SIPA1L2: variants seen among roughly 807,000 people sequenced by gnomAD.
The protein encoded by SIPA1L2 is signal-induced proliferation-associated 1-like protein 2.
In SIPA1L2, 56 loss-of-function variants were observed where a neutral mutation model predicts 163.9. That is an observed-to-expected ratio of 0.34 (90% CI 0.28 to 0.43). The LOEUF (loss-of-function observed/expected upper bound fraction) is 0.43. Among genes scored for constraint, SIPA1L2 ranks in the 20% least tolerant of loss-of-function variants. The probability of loss-of-function intolerance (pLI) is 1.00; values close to 1 mark genes in which losing one functional copy is unlikely to be tolerated. For missense variants in SIPA1L2, 1,974 were observed against 2,193.5 expected (o/e 0.90, Z 2.00); for synonymous variants, 877 against 865.7 (o/e 1.01, Z -0.23).
intron 1 of SIPA1L2, among the ~76,000 whole-genome samples, chr1:232,626,239 T>TTTTTTTTTTTTC (rs1663071926): frequency 6.6e-6 from 1 of 151,590 alleles, no homozygotes; most frequent in African/African-American, 2.4e-5. Flanking sequence ...GCTTTTTTTT[T>TTTTTTTTTTTTC]TTTTTTTCAT....
At chr1:232,433,582 A>T (rs1662376795) in intron 15 of SIPA1L2, among the ~76,000 whole-genome samples, 1 of 152,132 alleles carries the variant, frequency 6.6e-6, no homozygotes, top group Admixed American at 6.5e-5. Context: ...AACAATAAAA[A>T]TTTTCAAGGT....
chr1:232,571,369 T>A (rs1659719187), intron 2 of SIPA1L2, among the ~76,000 whole-genome samples: 1 of 152,228 alleles, frequency 6.6e-6, no homozygotes, highest in Admixed American at 6.5e-5. Flanking sequence ...ATTGAATAAT[T>A]CAATTTTTTT....
Position 232,398,945 on chromosome 1 carries a change from C to T in SIPA1L2, c.*182G>A. 1.4e-6 allele frequency: 1 copy of T among 730,822 alleles called. No homozygotes were observed. The highest frequency in any genetic ancestry group is 2.2e-6 in the Non-Finnish European group (1 of 458,828). The allele number at this position is 730,822 out of a possible 1,614,324, so 45.3% of individuals were successfully genotyped here. A position where few individuals can be genotyped will look rare whatever the true frequency, so the allele number is the denominator to read the frequency against. Reference sequence around the variant, plus strand: ...CATTCATCTTCACATCGGCGCTGCTCTCTGCCGTGGTTACCGAGAAAGAGT... The same window carrying T: ...CATTCATCTTCACATCGGCGCTGCTTTCTGCCGTGGTTACCGAGAAAGAGT... On this transcript the variant is annotated 3_prime_UTR_variant, in exon 23 of 23. Coordinates refer to ENST00000674635, the MANE Select transcript of SIPA1L2 (RefSeq NM_020808.5).
rs370271732 is a variant in SIPA1L2 at position 232,522,806 on chromosome 1, T to C, written c.-269-7198A>G. Among the ~76,000 whole-genome samples, 34 of 152,222 alleles carry C rather than the reference T, an allele frequency of 2.2e-4. 4 individuals carry two copies. The highest frequency in any genetic ancestry group is 1.4e-3 in the Admixed American group (22 of 15,288). On this transcript the variant is annotated intron_variant, in intron 2 of 22. Transcript: ENST00000674635. ...AATGTAATATATGAGTGTATATTTA[T>C]TGACAAACATACTGATTTGAAATTA...
rs1332951464 is a variant in SIPA1L2 at position 232,441,646 on chromosome 1, A to C, written c.3538+122T>G. ...CCTGCATCTGGAGACCCAGCTGATC[A>C]CCTCAACTTGGTGCACATAGGTTGA... On this transcript the variant is annotated intron_variant, in intron 13 of 22. Coordinates refer to ENST00000674635, the MANE Select transcript of SIPA1L2 (RefSeq NM_020808.5). The C allele has an allele frequency of 1.5e-4, 135 of 881,066 alleles. 1 individual carries two copies. Among genetic ancestry groups the C allele is most frequent in the Non-Finnish European group, 1.1e-5 (6 of 557,022 alleles). The allele number at this position is 881,066 out of a possible 1,614,324, so 54.6% of individuals were successfully genotyped here. A position where few individuals can be genotyped will look rare whatever the true frequency, so the allele number is the denominator to read the frequency against.
chr1:232,431,190 G>A (rs1016444313), intron 16 of SIPA1L2, among the ~76,000 whole-genome samples: 1 of 152,152 alleles, frequency 6.6e-6, no homozygotes, highest in African/African-American at 2.4e-5. Context: ...GAATTCCCGT[G>A]AAGCACTCAG....
At chr1:232,599,082 C>G (rs1275353868) in intron 1 of SIPA1L2, among the ~76,000 whole-genome samples, 1 of 152,024 alleles carries the variant, frequency 6.6e-6, no homozygotes, top group African/African-American at 2.4e-5. Flanking sequence ...CCATTCGATT[C>G]AATAACATTA....
chr1:232,421,248 G>A (rs991821953), intron 18 of SIPA1L2, among the ~76,000 whole-genome samples: 17 of 152,144 alleles, frequency 1.1e-4, no homozygotes, highest in African/African-American at 4.1e-4. Context: ...CCTTTCGAGA[G>A]ACTCATGAAT....
chr1:232,416,071 T>TCAGGAGC (rs1661244105), intron 18 of SIPA1L2, among the ~76,000 whole-genome samples: 1 of 92,706 alleles, frequency 1.1e-5, no homozygotes, highest in Admixed American at 1.1e-4. Flanking sequence ...CCAGAGTCAG[T>TCAGGAGC]CAGTCAGAAC....
intron 1 of SIPA1L2, among the ~76,000 whole-genome samples, chr1:232,584,535 G>A (rs973268949): frequency 6.6e-6 from 1 of 152,148 alleles, no homozygotes; most frequent in Admixed American, 6.6e-5. Flanking sequence ...GCATAAAAAT[G>A]GACAGTTTAT....
chr1:232,532,688 A>T (rs532846804), intron 2 of SIPA1L2, among the ~76,000 whole-genome samples: 1 of 152,340 alleles, frequency 6.6e-6, no homozygotes, highest in Non-Finnish European at 1.5e-5. Flanking sequence ...ACAAACTGAA[A>T]TGTCTAGAGA....
intron 1 of SIPA1L2, among the ~76,000 whole-genome samples, chr1:232,586,502 A>T (rs1660662384): frequency 6.6e-6 from 1 of 152,188 alleles, no homozygotes; most frequent in African/African-American, 2.4e-5. Flanking sequence ...GATTCACAGG[A>T]AGAGCTCGTC....
chr1:232,499,572 TAAG>T (rs1390012426), intron 3 of SIPA1L2, among the ~76,000 whole-genome samples: 2 of 152,120 alleles, frequency 1.3e-5, no homozygotes, highest in African/African-American at 4.8e-5. Context: ...AGGTTTAAGG[TAAG>T]AAGCTATCTC....
intron 2 of SIPA1L2, among the ~76,000 whole-genome samples, chr1:232,558,889 C>A (rs1185382237): frequency 6.6e-6 from 1 of 152,184 alleles, no homozygotes; most frequent in Non-Finnish European, 1.5e-5. Flanking sequence ...ATCCTCTCAC[C>A]TCTCAGGGTA....
chr1:232,628,946 C>T (rs1288008409), intron 1 of SIPA1L2, among the ~76,000 whole-genome samples: 3 of 152,008 alleles, frequency 2.0e-5, no homozygotes, highest in African/African-American at 4.8e-5. Flanking sequence ...AAAAGCCATC[C>T]TTGTCAAAAC....
rs374926955 is a variant in SIPA1L2, at chr1:232,524,374, C to A, written c.-269-8766G>T. ...CACATGCATGTCACACACACAAACACACTCCCCATGCCGGTGAGGGTCTGG... is the reference window on the plus strand; with the variant it reads ...CACATGCATGTCACACACACAAACAAACTCCCCATGCCGGTGAGGGTCTGG... On this transcript the variant is annotated intron_variant, in intron 2 of 22. Transcript: ENST00000674635. 1.8e-4 allele frequency among the ~76,000 whole-genome samples: 28 copies of A among 152,328 alleles called. 1 individual carries two copies. The East Asian group carries it at 2.5e-3, about 14-fold the overall frequency.
At chr1:232,499,972 G>A (rs774246950) in intron 3 of SIPA1L2, among the ~76,000 whole-genome samples, 4 of 148,186 alleles carry the variant, frequency 2.7e-5, no homozygotes, top group Non-Finnish European at 6.0e-5. Flanking sequence ...TTTACAGTAT[G>A]GTTTACTGAC....
In SIPA1L2 at chr1:232,425,674, G is replaced by A. The variant is rs370081594; in HGVS notation, c.4545C>T (p.Asn1515=). ...RSSVLDQALP[N]DILFSTTPPY... is the part of the protein sequence containing the mutation. The stretch of plus-strand genomic sequence containing the variant: ...GTGGGGTGGTGCTGAACAGAATGTC[G>A]TTGGGCAGGGCCTGGTCAAGCACGG... Residue 1515 remains asparagine, a synonymous_variant, in exon 18 of 23, where the codon AAC becomes AAT. Transcript: ENST00000674635. 11 of 1,613,660 alleles carry A rather than the reference G, an allele frequency of 6.8e-6. No individual in the cohort carries two copies. Among genetic ancestry groups the A allele is most frequent in the South Asian group, 4.4e-5 (4 of 90,950 alleles).
chr1:232,531,979 G>C (rs998991410), intron 2 of SIPA1L2, among the ~76,000 whole-genome samples: 8 of 152,206 alleles, frequency 5.3e-5, no homozygotes, highest in Admixed American at 2.0e-4. Flanking sequence ...CTCAGATCCG[G>C]GAGGGACTGA....
Sources: gnomAD v4.1 joint callset for allele counts (sites outside exome capture counted in the v4.1 genomes callset) on GRCh38, gnomAD v4.1.1 for gene constraint, MANE v1.5 for transcripts, NCBI Gene and HGNC (gene_info 2026-07-23, HGNC 2026-07-21) for gene names.